Variants in UMODL1 observed in about 807,000 individuals in gnomAD.
The protein encoded by UMODL1 is uromodulin like 1.
A neutral mutation model predicts 136.3 loss-of-function variants in UMODL1; 128 were observed. The ratio of observed to expected loss-of-function variants is 0.94; its 90% CI spans 0.81 to 1.09. The LOEUF is 1.09. Among genes scored for constraint, UMODL1 ranks in the 50% least tolerant of loss-of-function variants. The pLI, the probability that UMODL1 is intolerant of heterozygous loss-of-function variation, is 0.00. For synonymous variants in UMODL1, 721 were observed against 720.0 expected (o/e 1.00, Z -0.02); for missense variants, 1,766 against 1,725.6 (o/e 1.02, Z -0.41).
In UMODL1 at chr21:42,099,113, G is replaced by A; in HGVS notation, c.1119G>A (p.Leu373=). 6.2e-7 allele frequency: 1 copy of A among 1,614,088 alleles called. No homozygotes were observed. The highest frequency in any genetic ancestry group is 8.5e-7 in the Non-Finnish European group (1 of 1,180,032). The change falls in exon 7 of 23, where the codon CTG becomes CTA. Residue 373 remains leucine (L), a synonymous_variant. Coordinates refer to ENST00000408910, the MANE Select transcript of UMODL1 (RefSeq NM_001004416.3). This position sits in a 1 kb window ranked among gnomAD's most constrained non-coding sequence, Gnocchi z 4.1. ...TGGCTGGGCTGGAGGCTGGAGTGCT[G>A]TACAGGGTGAAGACCAGCTACCAGG... ...LAVAGLEAGV[L]YRVKTSYQGC... is the part of the protein sequence containing the mutation.
rs1343704457 is a variant in UMODL1, at chr21:42,090,400, C to T, written c.893C>T (p.Pro298Leu). The T allele has an allele frequency of 6.2e-7, 1 of 1,614,056 alleles. No individual in the cohort carries two copies. The highest frequency in any genetic ancestry group is 1.1e-5 in the South Asian group (1 of 91,066). Residue 298 changes from proline (P) to leucine (L), a missense_variant, in exon 6 of 23, where the codon CCA becomes CTA. By Grantham distance (98) the Pro-to-Leu change is moderately conservative. Coordinates refer to ENST00000408910, the MANE Select transcript of UMODL1 (RefSeq NM_001004416.3). Reference sequence around the variant, plus strand: ...TGGTGCGTCTGTCACCAGGAAGCTCCAGCCACGTCTCCACGGAAGCTGAAC... The same window carrying T: ...TGGTGCGTCTGTCACCAGGAAGCTCTAGCCACGTCTCCACGGAAGCTGAAC... ...SYWCVCHQEA[P>L]ATSPRKLNLE... is the part of the protein sequence containing the mutation.
At chr21:42,084,304 T>C in intron 3 of UMODL1, 59 bp downstream of exon 3, 1 of 1,574,514 alleles carries the variant, frequency 6.4e-7, no homozygotes. Flanking sequence ...CGGTGAGGCC[T>C]GATCTGTGTG....
At chr21:42,087,680 G>A (rs1448656766) in intron 4 of UMODL1, among the ~76,000 whole-genome samples, 1 of 152,196 alleles carries the variant, frequency 6.6e-6, no homozygotes, top group Admixed American at 6.5e-5. Flanking sequence ...GCAGAAGACC[G>A]AGGGTCCTGG....
chr21:42,091,918 C>A (rs542352865), intron 6 of UMODL1, among the ~76,000 whole-genome samples: 1 of 152,296 alleles, frequency 6.6e-6, no homozygotes, highest in African/African-American at 2.4e-5. Context: ...GGCCAGAGAA[C>A]CCCAACAGTG....
chr21:42,119,379 A>C, intron 15 of UMODL1, 55 bp downstream of exon 15: 1 of 1,538,834 alleles, frequency 6.5e-7, no homozygotes, highest in Non-Finnish European at 8.9e-7. Flanking sequence ...AGGCAGCCAG[A>C]GGGCAGCCAC....
At chr21:42,076,391 A>T in intron 2 of UMODL1, 144 bp downstream of exon 2, 1 of 1,339,048 alleles carries the variant, frequency 7.5e-7, no homozygotes, top group Non-Finnish European at 1.0e-6. Flanking sequence ...GCAGCAGGTC[A>T]TCGGCAGGGC....
In UMODL1 at chr21:42,121,172, C is replaced by T. The variant is rs201946845; in HGVS notation, c.2775C>T (p.Cys925=). 4.1e-5 allele frequency: 66 copies of T among 1,613,928 alleles called. 1 individual carries two copies. Among genetic ancestry groups the T allele is most frequent in the Admixed American group, 1.8e-4 (11 of 59,990 alleles). The change falls in exon 16 of 23, where the codon TGC becomes TGT. Residue 925 remains cysteine (C), a synonymous_variant. Transcript: ENST00000408910. ...RNTLGSFTCS[C]EGGAPDFPVE... ...CCCTCGGGTCTTTCACTTGTAGCTG[C>T]GAGGGAGGAGCCCCCGACTTCCCTG...
chr21:42,073,207 T>C lies in UMODL1; in HGVS notation c.76+1815T>C, dbSNP rs149398567. 4.0e-3 allele frequency among the ~76,000 whole-genome samples: 606 copies of C among 152,324 alleles called. 5 individuals carry two copies. Among genetic ancestry groups the C allele is most frequent in the African/African-American group, 0.014 (589 of 41,564 alleles). On this transcript the variant is annotated intron_variant, in intron 1 of 22. Coordinates refer to ENST00000408910, the MANE Select transcript of UMODL1 (RefSeq NM_001004416.3). ...GATGAAAAACGCAAGCTAGATCCAC[T>C]CTGCTAAGTTCTTGGTGCAGGAAGT...
Position 42,085,564 on chromosome 21 carries a change from C to T in UMODL1, c.603+152C>T. The stretch of plus-strand genomic sequence containing the variant: ...ACTGACTCTGAACGAAATTCTAGTT[C>T]TTAAAAAATCAGCTTCAAAGAGGTA... On this transcript the variant is annotated intron_variant, in intron 4 of 22. Coordinates refer to ENST00000408910, the MANE Select transcript of UMODL1 (RefSeq NM_001004416.3). The surrounding 1 kb of genome is among the most constrained non-coding windows in gnomAD (Gnocchi z 4.5). 8.4e-7 allele frequency: 1 copy of T among 1,197,194 alleles called. No homozygotes were observed. The highest frequency in any genetic ancestry group is 2.4e-5 in the East Asian group (1 of 42,082). The allele number at this position is 1,197,194 out of a possible 1,614,324, so 74.2% of individuals were successfully genotyped here.
intron 1 of UMODL1, 128 bp downstream of exon 1, chr21:42,071,520 G>A: frequency 1.0e-6 from 1 of 963,854 alleles, no homozygotes; most frequent in Non-Finnish European, 1.4e-6. Flanking sequence ...GGCGACATCT[G>A]TTCTTTTGTG....
rs973490753 is a variant in UMODL1, at chr21:42,123,060, C to T, written c.3057C>T (p.Leu1019=). The change falls in exon 17 of 23, where the codon CTC becomes CTT. Residue 1019 remains leucine (L), a synonymous_variant. Transcript: ENST00000408910. This position sits in a 1 kb window ranked among gnomAD's most constrained non-coding sequence, Gnocchi z 4.4. Reference sequence around the variant, plus strand: ...CCATCCCCGAGTCCTCGTTGTACCTCAGCCACCCCTCCTGCAACGTGAGCC... The same window carrying T: ...CCATCCCCGAGTCCTCGTTGTACCTTAGCCACCCCTCCTGCAACGTGAGCC... ...QESIPESSLY[L]SHPSCNVSHS... 5.6e-6 allele frequency: 9 copies of T among 1,614,154 alleles called. No individual in the cohort carries two copies. The highest frequency in any genetic ancestry group is 7.6e-6 in the Non-Finnish European group (9 of 1,180,038).
chr21:42,094,151 G>C, intron 6 of UMODL1: 1 of 360,564 alleles, frequency 2.8e-6, no homozygotes, highest in South Asian at 2.1e-5. Flanking sequence ...GCCAGATTGC[G>C]TCAGGATACA....
At chr21:42,119,397 C>A in intron 15 of UMODL1, 73 bp downstream of exon 15, 2 of 1,434,870 alleles carry the variant, frequency 1.4e-6, no homozygotes, top group Non-Finnish European at 9.6e-7. Flanking sequence ...CACCACCCTT[C>A]GCTTTTGAAA....
chr21:42,124,662 G>C (rs900880504), intron 17 of UMODL1, among the ~76,000 whole-genome samples: 1 of 152,056 alleles, frequency 6.6e-6, no homozygotes, highest in Admixed American at 6.5e-5. Context: ...GGGCCAGAAG[G>C]CTCTCCTAAT....
chr21:42,063,975 C>A lies in UMODL1; in HGVS notation c.-141+761C>A, dbSNP rs1163433462. On this transcript the variant is annotated intron_variant, in intron 1 of 22. Transcript: ENST00000400424. ...GGGGTGAAAAACAAGAGATGCTCAG[C>A]GCCTGTGGGATGTGTGGGCTGACTC... is the stretch of plus-strand genomic sequence containing the variant. Among the ~76,000 whole-genome samples the A allele has an allele frequency of 2.0e-5, 3 of 152,130 alleles. No individual in the cohort carries two copies. In the East Asian group the frequency reaches 5.8e-4, roughly 29 times the overall value.
chr21:42,075,208 C>T (rs1278210947), intron 1 of UMODL1, among the ~76,000 whole-genome samples: 2 of 150,418 alleles, frequency 1.3e-5, no homozygotes, highest in Non-Finnish European at 1.5e-5. Flanking sequence ...AGCCCACACC[C>T]GGCTAATTTT....
At chr21:42,101,764 G>T in intron 7 of UMODL1, 1 of 456,962 alleles carries the variant, frequency 2.2e-6, no homozygotes. Context: ...TCCCGGGCAG[G>T]TTGGAACCCA....
upstream of UMODL1, among the ~76,000 whole-genome samples, chr21:42,069,601 T>G (rs1003601671): frequency 6.6e-6 from 1 of 152,258 alleles, no homozygotes; most frequent in Admixed American, 6.5e-5. Flanking sequence ...GAACCTGTTT[T>G]CTCACCTATA....
intron 17 of UMODL1, among the ~76,000 whole-genome samples, chr21:42,124,394 G>A (rs1003939498): frequency 1.3e-5 from 2 of 152,216 alleles, no homozygotes; most frequent in African/African-American, 4.8e-5. Flanking sequence ...CTGGGAAGGG[G>A]CTCGACCTAG....
Sources: allele counts gnomAD v4.1 joint callset (sites outside exome capture counted in the v4.1 genomes callset), GRCh38; gene constraint gnomAD v4.1.1; non-coding constraint Gnocchi (gnomAD v3.1); transcripts MANE v1.5; gene names NCBI Gene and HGNC (gene_info 2026-07-23, HGNC 2026-07-21).